TAB2: variants seen among roughly 807,000 people sequenced by gnomAD.
The protein encoded by TAB2 is TGF-beta activated kinase 1 (MAP3K7) binding protein 2.
In TAB2, 3 loss-of-function variants were observed where a neutral mutation model predicts 65.0. The ratio of observed to expected loss-of-function variants is 0.05; its 90% CI spans 0.02 to 0.12. TAB2 has a LOEUF of 0.12. TAB2 is among the 10% of genes least tolerant of loss of function. The probability of loss-of-function intolerance (pLI) is 1.00; values close to 1 mark genes in which losing one functional copy is unlikely to be tolerated. For missense variants in TAB2, 623 were observed against 840.3 expected, an observed-to-expected ratio of 0.74 and a Z score of 3.20; for synonymous variants, 298 against 285.1, an observed-to-expected ratio of 1.05 and a Z score of -0.46.
chr6:149,225,084 A>T (rs1345011712), intron 1 of TAB2, among the ~76,000 whole-genome samples: 1 of 152,234 alleles, frequency 6.6e-6, no homozygotes, highest in Non-Finnish European at 1.5e-5. Context: ...TTGGGACTGC[A>T]ATTTGCTACA....
intron 1 of TAB2, among the ~76,000 whole-genome samples, chr6:149,362,833 A>G (rs909635955): frequency 6.6e-6 from 1 of 152,138 alleles, no homozygotes; most frequent in African/African-American, 2.4e-5. Flanking sequence ...CTTGTTTTCT[A>G]GAAAATAATT....
intron 1 of TAB2, among the ~76,000 whole-genome samples, chr6:149,283,045 C>G (rs1305961911): frequency 6.6e-6 from 1 of 152,146 alleles, no homozygotes; most frequent in Non-Finnish European, 1.5e-5. Flanking sequence ...AAGTGGCTAA[C>G]TAGAAAGAGT....
At chr6:149,218,669 G>T (rs549012958) in exon 1 of TAB2, 3 of 438,954 alleles carry the variant, frequency 6.8e-6, no homozygotes, top group Non-Finnish European at 1.4e-5. Context: ...AGGGCCACAG[G>T]CTGTAAAGAT....
intron 3 of TAB2, among the ~76,000 whole-genome samples, chr6:149,383,769 G>T (rs950157895): frequency 6.6e-6 from 1 of 152,148 alleles, no homozygotes; most frequent in African/African-American, 2.4e-5. Flanking sequence ...TTTTAAGAGA[G>T]ATGTGGTTTC....
At chr6:149,236,804 A>G (rs1777503781) in intron 1 of TAB2, among the ~76,000 whole-genome samples, 1 of 152,180 alleles carries the variant, frequency 6.6e-6, no homozygotes, top group Non-Finnish European at 1.5e-5. Context: ...ATAAAAGGAG[A>G]CAAGAGCTGT....
intron 1 of TAB2, among the ~76,000 whole-genome samples, chr6:149,298,035 A>G (rs547547815): frequency 8.5e-5 from 13 of 152,346 alleles, no homozygotes; most frequent in African/African-American, 2.6e-4. Context: ...TGTCATTATA[A>G]ATTTAGTCTG....
intron 1 of TAB2, among the ~76,000 whole-genome samples, chr6:149,364,248 T>G (rs1780965529): frequency 6.6e-6 from 1 of 152,196 alleles, no homozygotes; most frequent in Non-Finnish European, 1.5e-5. Context: ...ACCTCTGAGC[T>G]TTAAATCCTT....
intron 1 of TAB2, among the ~76,000 whole-genome samples, chr6:149,357,448 C>A (rs1407094198): frequency 2.7e-5 from 4 of 147,736 alleles, no homozygotes; most frequent in Admixed American, 6.8e-5. Context: ...CACACACACA[C>A]ACACACACAC....
chr6:149,282,966 A>G (rs527932380), intron 1 of TAB2, among the ~76,000 whole-genome samples: 10 of 152,218 alleles, frequency 6.6e-5, no homozygotes, highest in Non-Finnish European at 1.3e-4. Context: ...AGCTTAGGGG[A>G]TCAATTTTTT....
At chr6:149,257,094 A>G (rs557799859) in intron 1 of TAB2, among the ~76,000 whole-genome samples, 207 of 152,376 alleles carry the variant, frequency 1.4e-3, no homozygotes, top group African/African-American at 4.8e-3. Flanking sequence ...GTGGTTGGTT[A>G]GCTGCTGAAA....
rs1782222655 is a variant in TAB2 at position 149,397,750 on chromosome 6, T to C, written c.1750T>C (p.Ser584Pro). ...GCGCCTGAAAAGATCAAATTCTATA[T>C]CCCAGATACCTTCCGTAAGTCTTTA... ...RRRLKRSNSI[S>P]QIPSLEEMQQ... The change falls in exon 4 of 7, where the codon TCC becomes CCC. Residue 584 changes from serine to proline, a missense_variant. Transcript: ENST00000637181. 3 of 1,613,492 alleles carry C rather than the reference T, an allele frequency of 1.9e-6. No individual in the cohort carries two copies. The highest frequency in any genetic ancestry group is 2.5e-6 in the Non-Finnish European group (3 of 1,180,014).
rs992860328 is a variant in TAB2 at position 149,370,709 on chromosome 6, A to C, written c.102+610A>C. Among the ~76,000 whole-genome samples the C allele has an allele frequency of 1.6e-4, 25 of 152,186 alleles. 1 individual carries two copies. Among genetic ancestry groups the C allele is most frequent in the Admixed American group, 1.3e-4 (2 of 15,280 alleles). On this transcript the variant is annotated intron_variant, in intron 2 of 6. Coordinates refer to ENST00000637181, the MANE Select transcript of TAB2 (RefSeq NM_001292034.3). ...GTATACACAGTTTTGGAAATTTACA[A>C]TTCCAAATATTGAGTGATAGTTGTG...
chr6:149,300,056 T>G (rs1361037784), intron 1 of TAB2, among the ~76,000 whole-genome samples: 1 of 152,138 alleles, frequency 6.6e-6, no homozygotes, highest in Admixed American at 6.5e-5. Flanking sequence ...TGGCTAAAGG[T>G]AGAAATATAC....
intron 1 of TAB2, among the ~76,000 whole-genome samples, chr6:149,324,843 T>TTG: frequency 6.6e-6 from 1 of 151,342 alleles, no homozygotes; most frequent in African/African-American, 2.4e-5. Flanking sequence ...TTTTTTTTTT[T>TTG]TGGAGTGCAG....
intron 1 of TAB2, among the ~76,000 whole-genome samples, chr6:149,312,470 C>T (rs139779117): frequency 1.3e-5 from 2 of 152,302 alleles, no homozygotes; most frequent in East Asian, 1.9e-4. Flanking sequence ...TCAAGCCATT[C>T]TCATGCCTCA....
intron 1 of TAB2, among the ~76,000 whole-genome samples, chr6:149,259,122 T>A (rs1451191423): frequency 6.6e-6 from 1 of 152,208 alleles, no homozygotes; most frequent in South Asian, 2.1e-4. Flanking sequence ...CTTCCAGAAC[T>A]GTGGGATAAT....
At chr6:149,395,333 G>A (rs1278651050) in intron 3 of TAB2, among the ~76,000 whole-genome samples, 3 of 152,148 alleles carry the variant, frequency 2.0e-5, no homozygotes, top group Non-Finnish European at 4.4e-5. Context: ...GTGATTTCTA[G>A]TATATTTGGA....
chr6:149,370,256 A>G (rs568340790), intron 2 of TAB2, among the ~76,000 whole-genome samples, 157 bp downstream of exon 2: 2 of 152,346 alleles, frequency 1.3e-5, no homozygotes, highest in South Asian at 2.1e-4. Flanking sequence ...GCCTTTGGCA[A>G]GATGGAGCTT....
intron 1 of TAB2, among the ~76,000 whole-genome samples, chr6:149,299,841 A>AT (rs5880830): frequency 1.1e-3 from 154 of 146,500 alleles, no homozygotes; most frequent in Middle Eastern, 3.5e-3. Flanking sequence ...CAGTTCTACA[A>AT]TTTTTTTTTT....
Sources: gnomAD v4.1 joint callset for allele counts (sites outside exome capture counted in the v4.1 genomes callset) on GRCh38, gnomAD v4.1.1 for gene constraint, MANE v1.5 for transcripts, NCBI Gene and HGNC (gene_info 2026-07-23, HGNC 2026-07-21) for gene names.